The following TOX variants were observed in gnomAD, a reference collection of about 807,000 sequenced individuals.
TOX encodes the protein thymocyte selection associated high mobility group box, also known as thymocyte selection-associated high mobility group box protein TOX.
Under a neutral mutation model 53.7 loss-of-function variants are expected in TOX, and 11 were observed. The observed-to-expected ratio is 0.20, with a 90% confidence interval of 0.13 to 0.34. The LOEUF is 0.34. TOX is among the 10% of genes least tolerant of loss of function. The pLI is 1.00. For synonymous variants in TOX, 225 were observed against 245.3 expected (o/e 0.92, Z 0.77); for missense variants, 570 against 664.6 (o/e 0.86, Z 1.56).
intron 1 of TOX, among the ~76,000 whole-genome samples, chr8:59,050,895 T>C (rs111389916): frequency 7.2e-5 from 11 of 152,198 alleles, no homozygotes; most frequent in South Asian, 2.1e-4. Context: ...GATAAAGTCA[T>C]TAAATCATTC....
chr8:59,045,585 T>C (rs1458611125), intron 1 of TOX, among the ~76,000 whole-genome samples: 1 of 152,162 alleles, frequency 6.6e-6, no homozygotes, highest in Non-Finnish European at 1.5e-5. Flanking sequence ...TCACGACAAA[T>C]TCTGGAGCAT....
chr8:59,053,824 C>T (rs1803837465), intron 1 of TOX, among the ~76,000 whole-genome samples: 1 of 152,142 alleles, frequency 6.6e-6, no homozygotes, highest in Non-Finnish European at 1.5e-5. Context: ...TGTCACTTTT[C>T]TTATAATTCT....
intron 3 of TOX, among the ~76,000 whole-genome samples, chr8:58,929,875 G>C (rs1282004037): frequency 6.6e-6 from 1 of 152,106 alleles, no homozygotes; most frequent in African/African-American, 2.4e-5. Flanking sequence ...TACTCCTTTA[G>C]AAGTCTTGTA....
intron 1 of TOX, among the ~76,000 whole-genome samples, chr8:59,000,195 T>C (rs749379352): frequency 5.3e-5 from 8 of 152,200 alleles, no homozygotes; most frequent in East Asian, 1.9e-4. Context: ...AATAGATGTG[T>C]ATATTCAGTT....
chr8:59,023,586 T>G (rs1170796674), intron 1 of TOX, among the ~76,000 whole-genome samples: 1 of 152,158 alleles, frequency 6.6e-6, no homozygotes, highest in Non-Finnish European at 1.5e-5. Flanking sequence ...GTTGAGAAGT[T>G]TTGACTGTTC....
At chr8:58,979,419 G>T (rs16924369) in intron 1 of TOX, among the ~76,000 whole-genome samples, 4,639 of 152,256 alleles carry the variant, frequency 0.03, 211 homozygotes, top group African/African-American at 0.1. Context: ...GTGGATGGCT[G>T]TCCGGCCTTA....
intron 1 of TOX, among the ~76,000 whole-genome samples, chr8:59,058,444 T>C (rs1803919606): frequency 6.6e-6 from 1 of 152,116 alleles, no homozygotes; most frequent in Non-Finnish European, 1.5e-5. Context: ...CTGTAACTGG[T>C]GGAAATGGTG....
intron 2 of TOX, among the ~76,000 whole-genome samples, chr8:58,954,181 G>T (rs1470693780): frequency 3.9e-5 from 6 of 152,076 alleles, no homozygotes; most frequent in Non-Finnish European, 7.3e-5. Context: ...TCTTGTACTT[G>T]AAATAATTCT....
intron 3 of TOX, among the ~76,000 whole-genome samples, chr8:58,852,821 C>T (rs1279900386): frequency 6.6e-6 from 1 of 152,100 alleles, no homozygotes. Context: ...GTTAAAGTTA[C>T]ACGTTGGAAG....
At chr8:59,090,818 G>A (rs1325140643) in intron 1 of TOX, among the ~76,000 whole-genome samples, 2 of 152,150 alleles carry the variant, frequency 1.3e-5, no homozygotes, top group Non-Finnish European at 2.9e-5. Flanking sequence ...CCAGGGACAT[G>A]GACTTGAGGA....
At chr8:58,936,115 A>C (rs1398041396) in intron 3 of TOX, among the ~76,000 whole-genome samples, 2 of 152,048 alleles carry the variant, frequency 1.3e-5, no homozygotes, top group Admixed American at 6.6e-5. Context: ...TTGAGTAAAA[A>C]CCACCAGCGA....
At chr8:58,985,591 T>C (rs1013818602) in intron 1 of TOX, among the ~76,000 whole-genome samples, 16 of 152,198 alleles carry the variant, frequency 1.1e-4, no homozygotes, top group Admixed American at 1.0e-3. Context: ...TGTGAATATA[T>C]GTAATACACT....
chr8:59,091,918 G>A (rs980814476), intron 1 of TOX, among the ~76,000 whole-genome samples: 7 of 151,820 alleles, frequency 4.6e-5, no homozygotes, highest in East Asian at 3.9e-4. Context: ...TCCATCTCCC[G>A]TATTTATTAA....
rs765449120 is a variant in TOX, at chr8:58,851,820, TAA to T, written c.412-17_412-16del. 8.0e-7 allele frequency: 1 copy of T among 1,255,820 alleles called. No homozygotes were observed. The highest frequency in any genetic ancestry group is 3.3e-5 in the East Asian group (1 of 30,350). 77.8% of individuals were successfully genotyped at this position (1,255,820 alleles called of 1,614,324 possible). On this transcript the variant is annotated splice_polypyrimidine_tract_variant and intron_variant, in intron 3 of 8. Transcript: ENST00000361421. The surrounding 1 kb of genome is among the most constrained non-coding windows in gnomAD (Gnocchi z 4.4). Reference sequence around the variant, plus strand: ...ATATCTGGCATCTACAATAAATAAATAAATAAATAAATAAATAAATAAATAAA... The same window carrying T: ...ATATCTGGCATCTACAATAAATAAATATAAATAAATAAATAAATAAATAAA...
chr8:59,106,295 T>G (rs1804900339), intron 1 of TOX, among the ~76,000 whole-genome samples: 1 of 150,948 alleles, frequency 6.6e-6, no homozygotes, highest in African/African-American at 2.4e-5. Context: ...CTTTCTTTTC[T>G]AAGTACTCTT....
rs1035416283 is a variant in TOX, at chr8:58,807,883, A to G, written c.1545-100T>C. 6.7e-6 allele frequency: 10 copies of G among 1,494,710 alleles called. No individual in the cohort carries two copies. The Admixed American group carries it at 1.6e-4, about 23-fold the overall frequency. The allele number at this position is 1,494,710 out of a possible 1,614,324, so 92.6% of individuals were successfully genotyped here. A position where few individuals can be genotyped will look rare whatever the true frequency, so the allele number is the denominator to read the frequency against. ...TCTTTGAATTATTTGCTCCAGCTTG[A>G]GCTGTTCACTGGGAAACTGCAATTA... On this transcript the variant is annotated intron_variant, in intron 8 of 8. Transcript: ENST00000361421.
intron 3 of TOX, among the ~76,000 whole-genome samples, chr8:58,856,363 T>C (rs1810916014): frequency 1.3e-5 from 2 of 151,920 alleles, no homozygotes; most frequent in South Asian, 4.2e-4. Flanking sequence ...CATTTTTCAA[T>C]CCCTCTTGAG....
intron 3 of TOX, among the ~76,000 whole-genome samples, chr8:58,936,860 A>G (rs1161547051): frequency 6.6e-6 from 1 of 152,224 alleles, no homozygotes; most frequent in Non-Finnish European, 1.5e-5. Context: ...CTAACACAGT[A>G]GCTGCTGGGT....
intron 1 of TOX, among the ~76,000 whole-genome samples, chr8:59,036,317 G>A (rs924369934): frequency 6.6e-6 from 1 of 152,144 alleles, no homozygotes; most frequent in African/African-American, 2.4e-5. Context: ...AAACTATATC[G>A]TTTGCCAGAG....
Sources: allele counts gnomAD v4.1 joint callset (sites outside exome capture counted in the v4.1 genomes callset), GRCh38; gene constraint gnomAD v4.1.1; non-coding constraint Gnocchi (gnomAD v3.1); transcripts MANE v1.5; gene names NCBI Gene and HGNC (gene_info 2026-07-23, HGNC 2026-07-21).